Variants in DNM3 observed in about 807,000 individuals in gnomAD.
The protein encoded by DNM3 is dynamin-3.
A neutral mutation model predicts 101.6 loss-of-function variants in DNM3; 47 were observed. That is an observed-to-expected ratio of 0.46 (90% CI 0.37 to 0.59). The LOEUF (loss-of-function observed/expected upper bound fraction) is 0.59. DNM3 is among the 20% of genes least tolerant of loss of function. The pLI is 0.00. For missense variants in DNM3, 849 were observed against 1,085.7 expected (o/e 0.78, Z 3.06); for synonymous variants, 385 against 387.9 (o/e 0.99, Z 0.09).
At chr1:171,980,054 C>T (rs1046120891) in intron 2 of DNM3, among the ~76,000 whole-genome samples, 3 of 152,074 alleles carry the variant, frequency 2.0e-5, no homozygotes, top group Non-Finnish European at 4.4e-5. Context: ...CCACTTACTC[C>T]CATCTCACCC....
chr1:171,934,938 T>C (rs1390558852), intron 2 of DNM3, among the ~76,000 whole-genome samples: 2 of 152,264 alleles, frequency 1.3e-5, no homozygotes, highest in Non-Finnish European at 2.9e-5. Flanking sequence ...GGGATAGATA[T>C]TATGATTTCC....
chr1:171,937,655 G>C (rs1382109514), intron 2 of DNM3, among the ~76,000 whole-genome samples: 1 of 152,100 alleles, frequency 6.6e-6, no homozygotes, highest in Non-Finnish European at 1.5e-5. Context: ...CTGCAACCTT[G>C]ATCTCCCAGG....
At chr1:172,217,719 C>T (rs1005947192) in intron 14 of DNM3, among the ~76,000 whole-genome samples, 4 of 152,016 alleles carry the variant, frequency 2.6e-5, no homozygotes, top group Admixed American at 2.0e-4. Context: ...AGCCTATCAA[C>T]CAAAGTTTAT....
intron 12 of DNM3, among the ~76,000 whole-genome samples, chr1:172,086,391 T>C (rs964993934): frequency 6.6e-6 from 1 of 152,272 alleles, no homozygotes; most frequent in East Asian, 1.9e-4. Context: ...TAATCTTTCT[T>C]GGATAATATA....
chr1:172,266,763 G>A (rs536214237), intron 15 of DNM3, among the ~76,000 whole-genome samples: 1 of 152,112 alleles, frequency 6.6e-6, no homozygotes, highest in Non-Finnish European at 1.5e-5. Context: ...TTCCAGTAGA[G>A]GTGTGTGTAA....
intron 17 of DNM3, among the ~76,000 whole-genome samples, chr1:172,326,578 C>T (rs2065946726): frequency 6.6e-6 from 1 of 151,424 alleles, no homozygotes; most frequent in South Asian, 2.1e-4. Context: ...TAGACACAAG[C>T]CATTTGATTT....
intron 2 of DNM3, among the ~76,000 whole-genome samples, chr1:171,982,410 T>C (rs1326220645): frequency 1.3e-5 from 2 of 152,186 alleles, no homozygotes; most frequent in East Asian, 3.9e-4. Context: ...AGATTACAGG[T>C]AGCCCTTTCC....
chr1:172,061,576 T>A (rs539640441), intron 10 of DNM3, among the ~76,000 whole-genome samples: 1 of 151,768 alleles, frequency 6.6e-6, no homozygotes, highest in Admixed American at 6.6e-5. Context: ...GAAATCATCA[T>A]TCTCAGTAAA....
At chr1:172,027,660 G>A (rs898370924) in intron 4 of DNM3, among the ~76,000 whole-genome samples, 3 of 151,674 alleles carry the variant, frequency 2.0e-5, no homozygotes, top group Non-Finnish European at 4.4e-5. Context: ...CCATCCATGT[G>A]CTGTATTCAG....
intron 16 of DNM3, among the ~76,000 whole-genome samples, chr1:172,322,585 G>C (rs2065768768): frequency 6.6e-6 from 1 of 152,158 alleles, no homozygotes; most frequent in Non-Finnish European, 1.5e-5. Flanking sequence ...TACCCAGAGT[G>C]TCGCTTTTAG....
At chr1:171,863,900 A>G (rs776637846) in intron 1 of DNM3, among the ~76,000 whole-genome samples, 2 of 152,340 alleles carry the variant, frequency 1.3e-5, no homozygotes, top group Non-Finnish European at 1.5e-5. Flanking sequence ...GACTGGAGAT[A>G]CTTAGTATGA....
At chr1:171,964,341 A>G (rs868823296) in intron 2 of DNM3, among the ~76,000 whole-genome samples, 2 of 152,050 alleles carry the variant, frequency 1.3e-5, no homozygotes, top group African/African-American at 4.8e-5. Context: ...GGCCTCTACA[A>G]CCTCTTATCA....
chr1:172,144,571 A>G, intron 14 of DNM3: 1 of 531,534 alleles, frequency 1.9e-6, no homozygotes, highest in Non-Finnish European at 3.9e-6. Context: ...TGTGCAGACT[A>G]CTGTACAACG....
At chr1:172,418,433 G>A in exon 21 of DNM3, 1 of 873,148 alleles carries the variant, frequency 1.1e-6, no homozygotes, top group African/African-American at 1.8e-5. Flanking sequence ...TCATCCATGT[G>A]TATAATAAAA....
intron 14 of DNM3, among the ~76,000 whole-genome samples, chr1:172,249,774 A>AC (rs34434880): frequency 0.17 from 25,146 of 152,100 alleles, 2,418 homozygotes; most frequent in East Asian, 0.24. Context: ...ATTACAAAAA[A>AC]ATGCTGTAAA....
intron 14 of DNM3, among the ~76,000 whole-genome samples, chr1:172,235,437 G>A (rs1311543003): frequency 6.6e-6 from 1 of 152,154 alleles, no homozygotes; most frequent in Non-Finnish European, 1.5e-5. Flanking sequence ...AAGTCAGTGT[G>A]GCGATTCCTC....
chr1:172,177,398 A>G (rs2059191559), intron 14 of DNM3, among the ~76,000 whole-genome samples: 1 of 151,838 alleles, frequency 6.6e-6, no homozygotes, highest in Non-Finnish European at 1.5e-5. Context: ...ATAGCTATGT[A>G]TGTATGGGAA....
chr1:172,168,431 C>T (rs2148330733), intron 14 of DNM3, among the ~76,000 whole-genome samples: 1 of 152,022 alleles, frequency 6.6e-6, no homozygotes, highest in South Asian at 2.1e-4. Context: ...TTAAATAGGG[C>T]TGAGTATGCA....
chr1:172,101,728 C>T (rs757912276), intron 13 of DNM3, among the ~76,000 whole-genome samples: 13 of 152,214 alleles, frequency 8.5e-5, no homozygotes, highest in Non-Finnish European at 1.9e-4. Flanking sequence ...AAATCTTAAT[C>T]ACCATGTTTA....
Sources: allele counts gnomAD v4.1 joint callset (sites outside exome capture counted in the v4.1 genomes callset), GRCh38; gene constraint gnomAD v4.1.1; transcripts MANE v1.5; gene names NCBI Gene and HGNC (gene_info 2026-07-23, HGNC 2026-07-21).